The following VEPH1 variants were observed in gnomAD, a reference collection of about 807,000 sequenced individuals.
The protein encoded by VEPH1 is ventricular zone expressed PH domain containing 1, also known as ventricular zone-expressed PH domain-containing protein homolog 1.
In VEPH1, 80 loss-of-function variants were observed where a neutral mutation model predicts 85.2. The ratio of observed to expected loss-of-function variants is 0.94; its 90% CI spans 0.78 to 1.13. The LOEUF is 1.13. Among genes scored for constraint, VEPH1 ranks in the 50% most tolerant of loss-of-function variants. The pLI, the probability that VEPH1 is intolerant of heterozygous loss-of-function variation, is 0.00. For synonymous variants in VEPH1, 297 were observed against 348.0 expected, an observed-to-expected ratio of 0.85 and a Z score of 1.63; for missense variants, 955 against 980.5, an observed-to-expected ratio of 0.97 and a Z score of 0.35.
At chr3:157,337,112 T>C (rs1185080075) in intron 9 of VEPH1, among the ~76,000 whole-genome samples, 2 of 150,774 alleles carry the variant, frequency 1.3e-5, no homozygotes, top group Non-Finnish European at 3.0e-5. Flanking sequence ...ATTTTATATA[T>C]TTATATATGT....
At chr3:157,369,192 A>AAAAAAAAAAAAAAAAAAAAAAAAAAAC (rs1553773117) in intron 7 of VEPH1, among the ~76,000 whole-genome samples, 8 of 142,780 alleles carry the variant, frequency 5.6e-5, no homozygotes, top group Non-Finnish European at 1.1e-4. Context: ...AAAAAAAAAA[A>AAAAAAAAAAAAAAAAAAAAAAAAAAAC]AAAAAAAAAA....
intron 9 of VEPH1, among the ~76,000 whole-genome samples, chr3:157,325,268 A>C (rs978768626): frequency 6.6e-6 from 1 of 151,386 alleles, no homozygotes. Context: ...GATTGCAAAA[A>C]TTTTCTCCCA....
intron 9 of VEPH1, among the ~76,000 whole-genome samples, chr3:157,334,906 G>C (rs1722821751): frequency 6.6e-6 from 1 of 152,164 alleles, no homozygotes; most frequent in Non-Finnish European, 1.5e-5. Context: ...AGATCATAGA[G>C]CCAGGGCCAA....
intron 1 of VEPH1, 25 bp from the exon 2 acceptor site, chr3:157,495,531 T>C: frequency 1.4e-6 from 2 of 1,398,350 alleles, no homozygotes; most frequent in Non-Finnish European, 1.9e-6. Context: ...AATGACACAA[T>C]GTAGCCACTG....
intron 6 of VEPH1, among the ~76,000 whole-genome samples, chr3:157,404,932 T>A (rs1369564079): frequency 1.3e-5 from 2 of 152,184 alleles, no homozygotes; most frequent in African/African-American, 2.4e-5. Context: ...AATGCCCAGT[T>A]GTCCTTTCTG....
In VEPH1 at chr3:157,261,135, T is replaced by C; in HGVS notation, c.2501A>G (p.Ter834TrpextTer7). 6.2e-7 allele frequency: 1 copy of C among 1,613,478 alleles called. No individual in the cohort carries two copies. The highest frequency in any genetic ancestry group is 8.5e-7 in the Non-Finnish European group (1 of 1,179,622). ...RESREVTTYL[*>W] The stretch of plus-strand genomic sequence containing the variant: ...TTGTCATGGCTGACTTATAAATCCC[T>C]ACAGATATGTGGTTACTTCTCTACT... Residue 834 changes from the stop codon to tryptophan, a stop_lost, in exon 14 of 14, where the codon TAG becomes TGG. Transcript: ENST00000362010.
intron 1 of VEPH1, among the ~76,000 whole-genome samples, chr3:157,502,237 A>C (rs942446464): frequency 4.6e-5 from 7 of 152,228 alleles, no homozygotes; most frequent in African/African-American, 9.6e-5. Flanking sequence ...TCATAAGTAC[A>C]TGAAAAAAAT....
chr3:157,336,444 GACC>G (rs1300761167), intron 9 of VEPH1, among the ~76,000 whole-genome samples: 1 of 152,118 alleles, frequency 6.6e-6, no homozygotes, highest in Non-Finnish European at 1.5e-5. Flanking sequence ...ACCTCTCTTG[GACC>G]ACAATGGTAT....
chr3:157,299,744 C>G (rs1309151028), intron 11 of VEPH1, among the ~76,000 whole-genome samples: 3 of 152,160 alleles, frequency 2.0e-5, no homozygotes, highest in Admixed American at 6.5e-5. Context: ...ACAAAGACAT[C>G]AAAATCAAAC....
intron 6 of VEPH1, 56 bp from the exon 7 acceptor site, chr3:157,381,432 A>C (rs749404991): frequency 6.8e-5 from 107 of 1,566,336 alleles, no homozygotes; most frequent in Non-Finnish European, 8.9e-5. Flanking sequence ...TCATCCAGGC[A>C]TGGTGGTCAT....
chr3:157,290,533 T>C (rs2108396108), intron 11 of VEPH1, among the ~76,000 whole-genome samples: 1 of 152,310 alleles, frequency 6.6e-6, no homozygotes, highest in African/African-American at 2.4e-5. Context: ...TTTTGCCCAA[T>C]TCTCCATGAA....
At chr3:157,380,318 G>T (rs1417319518) in intron 7 of VEPH1, among the ~76,000 whole-genome samples, 1 of 152,046 alleles carries the variant, frequency 6.6e-6, no homozygotes, top group Non-Finnish European at 1.5e-5. Context: ...CTAAAATCTG[G>T]ACTGATTATA....
chr3:157,321,439 AC>A (rs1721338288), intron 9 of VEPH1, among the ~76,000 whole-genome samples: 1 of 152,174 alleles, frequency 6.6e-6, no homozygotes, highest in African/African-American at 2.4e-5. Context: ...CTTACTTTGT[AC>A]CCAGATGTAA....
At chr3:157,442,658 T>G (rs1186234412) in intron 4 of VEPH1, 3 of 1,614,220 alleles carry the variant, frequency 1.9e-6, no homozygotes, top group Non-Finnish European at 2.5e-6. Context: ...GCACCTGGAA[T>G]TCAGAGGAAG....
chr3:157,455,436 T>C (rs1356546704), intron 4 of VEPH1, among the ~76,000 whole-genome samples: 2 of 151,638 alleles, frequency 1.3e-5, no homozygotes, highest in Non-Finnish European at 2.9e-5. Flanking sequence ...CCTTTTTTTT[T>C]CTTTAAGTTC....
chr3:157,393,569 G>A (rs1012085294), intron 6 of VEPH1, among the ~76,000 whole-genome samples: 2 of 151,972 alleles, frequency 1.3e-5, no homozygotes, highest in Non-Finnish European at 2.9e-5. Context: ...TTCAATATCA[G>A]GTATACTATT....
At chr3:157,416,454 C>T (rs897003594) in intron 5 of VEPH1, among the ~76,000 whole-genome samples, 2 of 152,196 alleles carry the variant, frequency 1.3e-5, no homozygotes, top group Admixed American at 1.3e-4. Context: ...GTATGTCCTT[C>T]AGGAGAAGCC....
At chr3:157,495,962 C>T (rs1739628782) in intron 1 of VEPH1, among the ~76,000 whole-genome samples, 1 of 152,212 alleles carries the variant, frequency 6.6e-6, no homozygotes, top group African/African-American at 2.4e-5. Flanking sequence ...GAAACCAGTG[C>T]TTACCTCTTG....
chr3:157,405,515 C>G (rs1298875472), intron 6 of VEPH1, among the ~76,000 whole-genome samples: 1 of 151,980 alleles, frequency 6.6e-6, no homozygotes, highest in African/African-American at 2.4e-5. Flanking sequence ...ATAATCTGAC[C>G]CCAGCCCACT....
Sources: allele counts gnomAD v4.1 joint callset (sites outside exome capture counted in the v4.1 genomes callset), GRCh38; gene constraint gnomAD v4.1.1; transcripts MANE v1.5; gene names NCBI Gene and HGNC (gene_info 2026-07-23, HGNC 2026-07-21).